The following KCNN2 variants were observed in gnomAD, a reference collection of about 807,000 sequenced individuals.
The protein encoded by KCNN2 is small conductance calcium-activated potassium channel protein 2.
In KCNN2, 24 loss-of-function variants were observed where a neutral mutation model predicts 55.5. The ratio of observed to expected loss-of-function variants is 0.43; its 90% confidence interval spans 0.31 to 0.61. KCNN2 has a LOEUF of 0.61. Ranked by LOEUF, KCNN2 falls within the 20% of genes least tolerant of loss-of-function variation. The pLI is 0.08. For synonymous variants in KCNN2, 431 were observed against 336.1 expected, an observed-to-expected ratio of 1.28 and a Z score of -3.09; for missense variants, 754 against 853.6, an observed-to-expected ratio of 0.88 and a Z score of 1.45.
At chr5:114,297,908 C>T (rs1756062759) in intron 2 of KCNN2, among the ~76,000 whole-genome samples, 1 of 152,132 alleles carries the variant, frequency 6.6e-6, no homozygotes, top group African/African-American at 2.4e-5. Context: ...ATTATTTCCC[C>T]TGTGTCTCAG....
At chr5:114,147,209 T>G (rs1400079603) in intron 1 of KCNN2, among the ~76,000 whole-genome samples, 1 of 152,180 alleles carries the variant, frequency 6.6e-6, no homozygotes, top group Admixed American at 6.6e-5. Flanking sequence ...GAGTAAGTTT[T>G]GGTAGAATCC....
intron 2 of KCNN2, among the ~76,000 whole-genome samples, chr5:114,272,872 C>G (rs1755385971): frequency 6.6e-6 from 1 of 151,910 alleles, no homozygotes; most frequent in Non-Finnish European, 1.5e-5. Flanking sequence ...TTATAGTTGT[C>G]ATTTGTTCTT....
intron 2 of KCNN2, among the ~76,000 whole-genome samples, chr5:114,288,715 T>G (rs1755815575): frequency 6.6e-6 from 1 of 152,188 alleles, no homozygotes; most frequent in Non-Finnish European, 1.5e-5. Flanking sequence ...TTAATTGCAT[T>G]GTCTTTTTGT....
intron 3 of KCNN2, among the ~76,000 whole-genome samples, chr5:114,419,779 A>C (rs965134720): frequency 6.6e-6 from 1 of 152,210 alleles, no homozygotes; most frequent in African/African-American, 2.4e-5. Flanking sequence ...TGCTTTAGGC[A>C]AGGAATTCAA....
chr5:114,119,005 A>G lies in KCNN2; in HGVS notation c.-271+62505A>G, dbSNP rs185523360. On this transcript the variant is annotated intron_variant, in intron 1 of 10. Transcript: ENST00000512097. ...ATAGAAGAGGAGGAGGATAATGCCAATCTCATGGGGGTGGATATAACAAGG... is the reference window on the plus strand; with the variant it reads ...ATAGAAGAGGAGGAGGATAATGCCAGTCTCATGGGGGTGGATATAACAAGG... Among the ~76,000 whole-genome samples, 338 of 152,290 alleles carry G rather than the reference A, an allele frequency of 2.2e-3. 1 individual carries two copies. The highest frequency in any genetic ancestry group is 7.6e-3 in the African/African-American group (314 of 41,570).
rs548406213 is a variant in KCNN2, at chr5:114,371,818, A to C, written c.1218+7817A>C. On this transcript the variant is annotated intron_variant, in intron 2 of 7. Coordinates refer to ENST00000673685, the MANE Select transcript of KCNN2 (RefSeq NM_021614.4). ...TGTTGAATTTCCTCTTCAAATGAGA[A>C]AGTCAGAAACATACCCAGCACTTTC... Among the ~76,000 whole-genome samples, 7 of 152,258 alleles carry C rather than the reference A, an allele frequency of 4.6e-5. No homozygotes were observed. In the South Asian group the frequency reaches 1.5e-3, roughly 32 times the overall value.
In KCNN2 at chr5:114,225,603, C is replaced by A. The variant is rs142750413; in HGVS notation, c.-185+4038C>A. Reference sequence around the variant, plus strand: ...TAGTAGGTGCTCAATAAATATTTATCAAATGAATGAATGAGTCTAAGCATA... The same window carrying A: ...TAGTAGGTGCTCAATAAATATTTATAAAATGAATGAATGAGTCTAAGCATA... On this transcript the variant is annotated intron_variant, in intron 2 of 10. Coordinates refer to the KCNN2 transcript ENST00000512097. Among the ~76,000 whole-genome samples, 250 of 151,546 alleles carry A rather than the reference C, an allele frequency of 1.6e-3. 1 individual carries two copies. The highest frequency in any genetic ancestry group is 5.9e-3 in the African/African-American group (243 of 41,294).
At chr5:114,269,041 G>A (rs1053156054) in intron 2 of KCNN2, among the ~76,000 whole-genome samples, 12 of 151,874 alleles carry the variant, frequency 7.9e-5, no homozygotes, top group African/African-American at 2.4e-4. Flanking sequence ...CATAAGCCTT[G>A]AAAAAGTCCT....
chr5:114,147,968 A>G (rs1236429537), intron 1 of KCNN2, among the ~76,000 whole-genome samples: 1 of 152,204 alleles, frequency 6.6e-6, no homozygotes, highest in African/African-American at 2.4e-5. Context: ...TAGTAGGAGC[A>G]GCAATCAGTA....
chr5:114,331,657 AAC>A (rs1466666689), intron 2 of KCNN2, among the ~76,000 whole-genome samples: 2 of 152,208 alleles, frequency 1.3e-5, no homozygotes, highest in African/African-American at 4.8e-5. Flanking sequence ...ATTACATAAA[AAC>A]AGTGATTAAT....
chr5:114,495,337 TAACA>T (rs1236368788), intron 7 of KCNN2, among the ~76,000 whole-genome samples: 1 of 152,212 alleles, frequency 6.6e-6, no homozygotes, highest in Non-Finnish European at 1.5e-5. Context: ...GAACAAAGGA[TAACA>T]AACAATCTTT....
chr5:114,155,725 TG>T (rs1389215698), intron 1 of KCNN2, among the ~76,000 whole-genome samples: 1 of 151,942 alleles, frequency 6.6e-6, no homozygotes, highest in Non-Finnish European at 1.5e-5. Context: ...CACTTTTTAA[TG>T]GGGTTATTTG....
intron 1 of KCNN2, among the ~76,000 whole-genome samples, chr5:114,064,260 A>G (rs1476144050): frequency 6.6e-6 from 1 of 152,212 alleles, no homozygotes; most frequent in Admixed American, 6.5e-5. Flanking sequence ...ATCAAGAGGT[A>G]GGGTTTATTT....
Position 114,147,572 on chromosome 5 carries a change from C to T in KCNN2, c.-270-73908C>T, listed in dbSNP as rs73779711. 3.2e-3 allele frequency among the ~76,000 whole-genome samples: 488 copies of T among 152,234 alleles called. 6 individuals carry two copies. Among genetic ancestry groups the T allele is most frequent in the African/African-American group, 0.011 (469 of 41,556 alleles). ...TAAATTTGTAAAGGCAAATTTGGGT[C>T]AATATGAGAGACTTGTCCCTCTTTC... On this transcript the variant is annotated intron_variant, in intron 1 of 10. Transcript: ENST00000512097.
In KCNN2 at chr5:114,116,156, A is replaced by G. The variant is rs569169915; in HGVS notation, c.-271+59656A>G. ...GAATGCTTCCACTGGAGCCAAGTAG[A>G]AAGTGAGACCTCCCCAAGTCACAAA... On this transcript the variant is annotated intron_variant, in intron 1 of 10. Coordinates refer to the KCNN2 transcript ENST00000512097. Among the ~76,000 whole-genome samples, 9 of 152,202 alleles carry G rather than the reference A, an allele frequency of 5.9e-5. No individual in the cohort carries two copies. The South Asian group carries it at 1.5e-3, about 25-fold the overall frequency.
intron 2 of KCNN2, among the ~76,000 whole-genome samples, chr5:114,237,236 C>G (rs1459826485): frequency 1.3e-5 from 2 of 149,096 alleles, no homozygotes; most frequent in African/African-American, 5.0e-5. Context: ...CTTCCATCTC[C>G]TGATGTGGGT....
chr5:114,206,782 G>A (rs1407999271), intron 1 of KCNN2, among the ~76,000 whole-genome samples: 1 of 151,374 alleles, frequency 6.6e-6, no homozygotes, highest in Non-Finnish European at 1.5e-5. Flanking sequence ...TTTGTCCAGG[G>A]AGTAGATTAA....
intron 2 of KCNN2, among the ~76,000 whole-genome samples, chr5:114,367,674 C>T (rs532946303): frequency 6.6e-5 from 10 of 151,790 alleles, no homozygotes; most frequent in Non-Finnish European, 1.5e-4. Flanking sequence ...TACCCCACCC[C>T]ACAGTGGGGT....
intron 5 of KCNN2, among the ~76,000 whole-genome samples, chr5:114,476,332 A>G (rs1005511066): frequency 2.0e-5 from 3 of 152,072 alleles, no homozygotes; most frequent in African/African-American, 7.2e-5. Flanking sequence ...CTACTTTTTA[A>G]AAGTAGAACT....
Sources: allele counts gnomAD v4.1 joint callset (sites outside exome capture counted in the v4.1 genomes callset), GRCh38; gene constraint gnomAD v4.1.1; transcripts MANE v1.5; gene names NCBI Gene and HGNC (gene_info 2026-07-23, HGNC 2026-07-21).